SNTG2: variants seen among roughly 807,000 people sequenced by gnomAD.
SNTG2 encodes gamma-2-syntrophin.
In SNTG2, 74 loss-of-function variants were observed where a neutral mutation model predicts 70.9. The observed-to-expected ratio is 1.04, with a 90% confidence interval of 0.86 to 1.27. SNTG2 has a LOEUF of 1.27. Ranked by LOEUF, SNTG2 falls within the 50% of genes most tolerant of loss-of-function variation. The pLI is 0.00. For synonymous variants in SNTG2, 278 were observed against 273.8 expected (o/e 1.02, Z -0.15); for missense variants, 717 against 690.7 (o/e 1.04, Z -0.43).
chr2:1,002,900 A>G (rs1420385410), intron 1 of SNTG2, among the ~76,000 whole-genome samples: 1 of 151,452 alleles, frequency 6.6e-6, no homozygotes, highest in Non-Finnish European at 1.5e-5. Context: ...ATATATATAT[A>G]TTTATATAGT....
chr2:967,062 A>T (rs909019697), intron 1 of SNTG2, among the ~76,000 whole-genome samples: 3 of 152,242 alleles, frequency 2.0e-5, no homozygotes, highest in African/African-American at 7.2e-5. Flanking sequence ...TGTACAAAGA[A>T]TATAAATTTA....
chr2:1,110,336 G>A (rs1023180431), intron 4 of SNTG2, among the ~76,000 whole-genome samples: 3 of 152,260 alleles, frequency 2.0e-5, no homozygotes, highest in East Asian at 3.9e-4. Flanking sequence ...TTGTTCTCTA[G>A]AATTTTCACC....
At chr2:1,042,108 A>G (rs551686755) in intron 1 of SNTG2, among the ~76,000 whole-genome samples, 83 of 152,344 alleles carry the variant, frequency 5.4e-4, no homozygotes, top group Middle Eastern at 3.4e-3. Context: ...TTGATTTCAC[A>G]GATGCTGAAT....
At chr2:1,229,746 C>A (rs957726297) in intron 9 of SNTG2, among the ~76,000 whole-genome samples, 2 of 152,224 alleles carry the variant, frequency 1.3e-5, no homozygotes, top group Admixed American at 6.5e-5. Flanking sequence ...CCTGCCCCGC[C>A]GGAAGGCAGC....
chr2:1,342,348 T>G, intron 16 of SNTG2, among the ~76,000 whole-genome samples: 3 of 100,894 alleles, frequency 3.0e-5, no homozygotes, highest in African/African-American at 4.4e-5. Context: ...ATAGGAAGAG[T>G]GGACTGGCAC....
intron 8 of SNTG2, among the ~76,000 whole-genome samples, chr2:1,182,013 C>T (rs1368469249): frequency 6.6e-6 from 1 of 152,220 alleles, no homozygotes; most frequent in African/African-American, 2.4e-5. Flanking sequence ...TTCCCATCTT[C>T]TGCAAATTCT....
chr2:1,193,469 T>C lies in SNTG2; in HGVS notation c.592-15634T>C, dbSNP rs1044785225. Among the ~76,000 whole-genome samples the C allele has an allele frequency of 2.0e-5, 3 of 152,338 alleles. No individual in the cohort carries two copies. The East Asian group carries it at 5.8e-4, about 29-fold the overall frequency. ...CCCTTGTCTATTTATTTTTCTGAGA[T>C]ACTAAATGAGCAACGCATATTTTAG... On this transcript the variant is annotated intron_variant, in intron 8 of 16. Coordinates refer to ENST00000308624, the MANE Select transcript of SNTG2 (RefSeq NM_018968.4).
At chr2:1,294,622 G>A (rs1460117398) in intron 14 of SNTG2, among the ~76,000 whole-genome samples, 1 of 152,196 alleles carries the variant, frequency 6.6e-6, no homozygotes, top group Non-Finnish European at 1.5e-5. Context: ...ACTTCTTCAT[G>A]TAAAGGGGTT....
intron 6 of SNTG2, among the ~76,000 whole-genome samples, chr2:1,162,035 C>A (rs188168789): frequency 7.4e-6 from 1 of 135,122 alleles, no homozygotes; most frequent in African/African-American, 2.8e-5. Flanking sequence ...GATGGCGCCA[C>A]TGCACTCCAG....
At chr2:1,174,889 A>C (rs1303500050) in intron 8 of SNTG2, among the ~76,000 whole-genome samples, 1 of 152,156 alleles carries the variant, frequency 6.6e-6, no homozygotes, top group Non-Finnish European at 1.5e-5. Flanking sequence ...TTTTCTTACA[A>C]ATCCATTGAA....
chr2:1,220,431 T>C (rs1674677131), intron 9 of SNTG2, among the ~76,000 whole-genome samples: 1 of 152,162 alleles, frequency 6.6e-6, no homozygotes, highest in Non-Finnish European at 1.5e-5. Context: ...ATGGGACCTT[T>C]GTGGTTGGAC....
At chr2:1,187,148 A>G (rs1467807782) in intron 8 of SNTG2, among the ~76,000 whole-genome samples, 2 of 152,238 alleles carry the variant, frequency 1.3e-5, no homozygotes, top group Non-Finnish European at 2.9e-5. Context: ...AATTTTCTGG[A>G]GATAAAAATT....
At chr2:1,219,350 GTATTTC>G (rs1674601594) in intron 9 of SNTG2, among the ~76,000 whole-genome samples, 3 of 135,388 alleles carry the variant, frequency 2.2e-5, no homozygotes, top group South Asian at 2.2e-4. Context: ...CCAGTCTTGC[GTATTTC>G]TCTATGGCAG....
chr2:1,039,288 C>G (rs1019972312), intron 1 of SNTG2, among the ~76,000 whole-genome samples: 1 of 152,106 alleles, frequency 6.6e-6, no homozygotes, highest in African/African-American at 2.4e-5. Context: ...TGTGTACAAG[C>G]CTTTCCTTCC....
Position 958,081 on chromosome 2 carries a change from C to A in SNTG2, c.72+7013C>A, listed in dbSNP as rs1032950353. ...TTTGGAGGGCTTCGTTCCTTTAACA[C>A]CCCTGGGGTACTGCTGATGCTCCCC... On this transcript the variant is annotated intron_variant, in intron 1 of 16. Coordinates refer to ENST00000308624, the MANE Select transcript of SNTG2 (RefSeq NM_018968.4). Among the ~76,000 whole-genome samples the A allele has an allele frequency of 3.8e-4, 58 of 152,238 alleles. 2 individuals carry two copies. The highest frequency in any genetic ancestry group is 1.3e-3 in the African/African-American group (56 of 41,540).
chr2:1,100,188 A>G (rs956988160), intron 4 of SNTG2, among the ~76,000 whole-genome samples: 1 of 151,528 alleles, frequency 6.6e-6, no homozygotes, highest in Non-Finnish European at 1.5e-5. Flanking sequence ...CACCCCACTG[A>G]CAGAGTCTCA....
chr2:994,854 G>T, intron 1 of SNTG2, among the ~76,000 whole-genome samples: 1 of 149,822 alleles, frequency 6.7e-6, no homozygotes, highest in Non-Finnish European at 1.5e-5. Flanking sequence ...CTTAATTTTA[G>T]TTTTTAGAAT....
chr2:977,850 C>T (rs1270161178), intron 1 of SNTG2, among the ~76,000 whole-genome samples: 2 of 152,158 alleles, frequency 1.3e-5, no homozygotes, highest in African/African-American at 2.4e-5. Context: ...AGCCTTCCCG[C>T]CTCGTGCCAC....
intron 4 of SNTG2, among the ~76,000 whole-genome samples, chr2:1,123,441 G>A (rs7587905): frequency 0.48 from 72,434 of 152,030 alleles, 18,396 homozygotes; most frequent in East Asian, 0.66. Flanking sequence ...AAGGGCATCA[G>A]GAGGATACAA....
Sources: gnomAD v4.1 joint callset for allele counts (sites outside exome capture counted in the v4.1 genomes callset) on GRCh38, gnomAD v4.1.1 for gene constraint, MANE v1.5 for transcripts, NCBI Gene and HGNC (gene_info 2026-07-23, HGNC 2026-07-21) for gene names.